The following PTPRG variants were observed in gnomAD, a reference collection of about 807,000 sequenced individuals.
PTPRG encodes receptor-type tyrosine-protein phosphatase gamma.
Under a neutral mutation model 165.3 loss-of-function variants are expected in PTPRG, and 102 were observed. That is an observed-to-expected ratio of 0.62 (90% CI 0.53 to 0.73). The LOEUF is 0.73. Among genes scored for constraint, PTPRG ranks in the 30% least tolerant of loss-of-function variants. The pLI is 0.00. For missense variants in PTPRG, 1,866 were observed against 1,861.4 expected (o/e 1.00, Z -0.05); for synonymous variants, 675 against 669.5 (o/e 1.01, Z -0.13).
At position 62,282,729 on chromosome 3, in the gene PTPRG, T is replaced by C. The variant is rs200904986; in HGVS notation, c.3915T>C (p.Asp1305=). ...GACCCATGTTGTATTGGTTACAGGATGACTATGTCTTAGAAGTTCGGCACT... is the reference window on the plus strand; with the variant it reads ...GACCCATGTTGTATTGGTTACAGGACGACTATGTCTTAGAAGTTCGGCACT... ...IHDFILEATQ[D]DYVLEVRHFQ... is the part of the protein sequence containing the mutation. The change falls in exon 28 of 30, where the codon GAT becomes GAC. Residue 1305 remains aspartate (D), a splice_region_variant and synonymous_variant. Coordinates refer to ENST00000474889, the MANE Select transcript of PTPRG (RefSeq NM_002841.4). The C allele has an allele frequency of 3.2e-5, 52 of 1,610,148 alleles. No homozygotes were observed. The East Asian group carries it at 7.6e-4, about 23-fold the overall frequency.
In PTPRG at chr3:62,195,462, G is replaced by C. The variant is rs1699937566; in HGVS notation, c.1327+292G>C. 6.6e-6 allele frequency among the ~76,000 whole-genome samples: 1 copy of C among 152,206 alleles called. No individual in the cohort carries two copies. Among genetic ancestry groups the C allele is most frequent in the Non-Finnish European group, 1.5e-5 (1 of 68,038 alleles). ...TTTTTCTCGGTCACTGTCCAGCGCT[G>C]TGTCAGATCACACAATCACTTCCAA... On this transcript the variant is annotated intron_variant, in intron 10 of 29. Coordinates refer to ENST00000474889, the MANE Select transcript of PTPRG (RefSeq NM_002841.4). This position sits in a 1 kb window ranked among gnomAD's most constrained non-coding sequence, Gnocchi z 4.4.
intron 15 of PTPRG, among the ~76,000 whole-genome samples, chr3:62,246,614 TG>T (rs1014575425): frequency 6.6e-6 from 1 of 152,212 alleles, no homozygotes; most frequent in Non-Finnish European, 1.5e-5. Context: ...TTAACAAACT[TG>T]TGAGTTATTT....
intron 2 of PTPRG, among the ~76,000 whole-genome samples, chr3:61,871,440 G>A (rs1214396902): frequency 1.3e-5 from 2 of 151,930 alleles, no homozygotes; most frequent in African/African-American, 4.8e-5. Context: ...CTGGTCTCAA[G>A]CAATCCTCCC....
At chr3:61,665,932 T>A (rs13091144) in intron 1 of PTPRG, among the ~76,000 whole-genome samples, 69,035 of 151,920 alleles carry the variant, frequency 0.45, 18,488 homozygotes, top group Non-Finnish European at 0.59. Flanking sequence ...TGAAATAAAA[T>A]TAGACTTATA....
chr3:61,885,481 C>A (rs959234283), intron 2 of PTPRG, among the ~76,000 whole-genome samples: 1 of 151,332 alleles, frequency 6.6e-6, no homozygotes, highest in Non-Finnish European at 1.5e-5. Context: ...TGCAGTCTTG[C>A]TATCCTACTT....
intron 2 of PTPRG, among the ~76,000 whole-genome samples, chr3:61,755,155 G>A (rs1208095947): frequency 6.6e-6 from 1 of 152,104 alleles, no homozygotes; most frequent in Non-Finnish European, 1.5e-5. Context: ...TTACAGGCAT[G>A]TGCCACCACG....
At chr3:61,753,485 T>C (rs77758050) in intron 2 of PTPRG, 1 of 343,660 alleles carries the variant, frequency 2.9e-6, no homozygotes, top group Admixed American at 3.7e-5. Flanking sequence ...TCTATAATTA[T>C]TGCACAAAGA....
intron 5 of PTPRG, among the ~76,000 whole-genome samples, chr3:62,123,372 G>C (rs1372219545): frequency 6.6e-6 from 1 of 152,052 alleles, no homozygotes; most frequent in African/African-American, 2.4e-5. Flanking sequence ...CAGCCTCTGG[G>C]GTAGCTAGGA....
At chr3:62,011,568 T>C (rs1354937903) in intron 4 of PTPRG, among the ~76,000 whole-genome samples, 1 of 151,600 alleles carries the variant, frequency 6.6e-6, no homozygotes, top group Non-Finnish European at 1.5e-5. Flanking sequence ...GAAATTTAGT[T>C]AATGACTTTA....
intron 4 of PTPRG, among the ~76,000 whole-genome samples, chr3:62,028,740 G>A (rs1286253001): frequency 1.3e-5 from 2 of 152,204 alleles, no homozygotes; most frequent in Admixed American, 6.5e-5. Flanking sequence ...ATGAAACTCA[G>A]TGGTACAAAT....
chr3:62,163,458 G>T (rs1216265056), intron 7 of PTPRG, among the ~76,000 whole-genome samples: 3 of 152,036 alleles, frequency 2.0e-5, no homozygotes, highest in Non-Finnish European at 4.4e-5. Flanking sequence ...GATATAATAA[G>T]AGTGTTCTGT....
intron 2 of PTPRG, among the ~76,000 whole-genome samples, chr3:61,807,995 G>C (rs2035466827): frequency 1.3e-5 from 2 of 152,330 alleles, no homozygotes; most frequent in African/African-American, 2.4e-5. Context: ...CTGTTTATCA[G>C]ATTATTGAAG....
At chr3:61,718,954 T>C (rs1336213496) in intron 1 of PTPRG, among the ~76,000 whole-genome samples, 1 of 151,262 alleles carries the variant, frequency 6.6e-6, no homozygotes, top group Admixed American at 6.6e-5. Flanking sequence ...TTGTACCTCT[T>C]ATAGCTTTGT....
At chr3:61,727,904 AC>A (rs1409433179) in intron 1 of PTPRG, among the ~76,000 whole-genome samples, 1 of 152,192 alleles carries the variant, frequency 6.6e-6, no homozygotes, top group Non-Finnish European at 1.5e-5. Context: ...TATCTACTTT[AC>A]AGTTTTGCTT....
intron 3 of PTPRG, among the ~76,000 whole-genome samples, chr3:61,995,681 CGCCTTCCTTCCTTCCT>C (rs1464050249): frequency 4.4e-5 from 4 of 90,504 alleles, no homozygotes; most frequent in Non-Finnish European, 4.7e-5. Flanking sequence ...CCTGCCCGCC[CGCCTTCCTTCCTTCCT>C]TCCTTCCTTC....
At chr3:61,852,235 T>G (rs2036983086) in intron 2 of PTPRG, among the ~76,000 whole-genome samples, 1 of 152,222 alleles carries the variant, frequency 6.6e-6, no homozygotes, top group South Asian at 2.1e-4. Flanking sequence ...AAAGGAGACA[T>G]TTTTGTTTGT....
At chr3:62,019,690 A>G (rs1187411895) in intron 4 of PTPRG, among the ~76,000 whole-genome samples, 1 of 152,114 alleles carries the variant, frequency 6.6e-6, no homozygotes, top group Non-Finnish European at 1.5e-5. Context: ...GAGGTGATGG[A>G]TGTGTTAATT....
At position 62,168,049 on chromosome 3, in the gene PTPRG, C is replaced by G; in HGVS notation, c.919C>G (p.Arg307Gly). 1.2e-6 allele frequency: 2 copies of G among 1,613,840 alleles called. No homozygotes were observed. The highest frequency in any genetic ancestry group is 1.7e-6 in the Non-Finnish European group (2 of 1,179,906). The change falls in exon 8 of 30, where the codon CGA becomes GGA. Residue 307 changes from arginine to glycine, a missense_variant. Around this residue, in one of 3 missense-constraint regions of PTPRG, gnomAD observed 1,452 missense variants for 1,463.0 expected, o/e 0.99. Transcript: ENST00000474889. ...KSVEYLRNNFRPQQRLHDRVV... is the reference protein window; with the variant it reads ...KSVEYLRNNFGPQQRLHDRVV... ...GGTGGAGTATCTGAGAAATAACTTT[C>G]GACCACAGCAGCGTCTGCATGACAG...
intron 2 of PTPRG, among the ~76,000 whole-genome samples, chr3:61,942,157 A>G (rs1000016007): frequency 5.8e-5 from 4 of 68,424 alleles, no homozygotes; most frequent in East Asian, 1.9e-3. Flanking sequence ...GACTCTGTCT[A>G]AAAAAAAAAA....
Sources: allele counts gnomAD v4.1 joint callset (sites outside exome capture counted in the v4.1 genomes callset), GRCh38; gene constraint gnomAD v4.1.1; regional missense constraint gnomAD v4.1.1; non-coding constraint Gnocchi (gnomAD v3.1); transcripts MANE v1.5; gene names NCBI Gene and HGNC (gene_info 2026-07-23, HGNC 2026-07-21).